The following HOMER3 variants were observed in gnomAD, a reference collection of about 807,000 sequenced individuals.
The protein encoded by HOMER3 is homer protein homolog 3.
HOMER3 carries 34 observed loss-of-function variants against 45.5 expected under a neutral mutation model. The observed-to-expected ratio is 0.75, with a 90% CI of 0.57 to 1.00. The LOEUF (loss-of-function observed/expected upper bound fraction) is 1.00. Ranked by LOEUF, HOMER3 falls within the 50% of genes least tolerant of loss-of-function variation. The pLI is 0.00. For synonymous variants in HOMER3, 223 were observed against 208.8 expected (o/e 1.07, Z -0.58); for missense variants, 480 against 497.5 (o/e 0.96, Z 0.33).
At chr19:18,932,881 C>T in intron 6 of HOMER3, 43 bp downstream of exon 6, 3 of 763,836 alleles carry the variant, frequency 3.9e-6, no homozygotes. Flanking sequence ...CGTCCCCCAC[C>T]CCTACCCCCG....
intron 9 of HOMER3, among the ~76,000 whole-genome samples, chr19:18,930,318 C>A (rs1022632439): frequency 4.2e-5 from 6 of 142,590 alleles, no homozygotes; most frequent in African/African-American, 1.6e-4. Context: ...GAGGCCGAGG[C>A]GAGTGGATCA....
chr19:18,935,137 T>C (rs1387357613), intron 4 of HOMER3, among the ~76,000 whole-genome samples: 1 of 124,500 alleles, frequency 8.0e-6, no homozygotes, highest in Non-Finnish European at 1.7e-5. Context: ...ACCCAGCCTT[T>C]TTTTTTTTTT....
At chr19:18,937,413 A>C (rs1405873169) in intron 4 of HOMER3, among the ~76,000 whole-genome samples, 2 of 152,088 alleles carry the variant, frequency 1.3e-5, no homozygotes, top group South Asian at 4.2e-4. Context: ...GTGGTAGCTC[A>C]TGCCTGTAAT....
chr19:18,930,059 G>A (rs749119604), intron 9 of HOMER3, among the ~76,000 whole-genome samples: 2 of 151,766 alleles, frequency 1.3e-5, no homozygotes, highest in Non-Finnish European at 2.9e-5. Context: ...AGACCAGCTT[G>A]GCCAACATGG....
In HOMER3 at chr19:18,936,325, T is replaced by TAAACAAAC. The variant is rs949934317; in HGVS notation, c.304-1916_304-1915insGTTTGTTT. Among the ~76,000 whole-genome samples, 4 of 134,554 alleles carry TAAACAAAC rather than the reference T, an allele frequency of 3.0e-5. 1 individual carries two copies. Among genetic ancestry groups the TAAACAAAC allele is most frequent in the African/African-American group, 1.1e-4 (4 of 37,828 alleles). The allele number at this position is 134,554 out of a possible 152,430, so 88.3% of individuals were successfully genotyped here. A position where few individuals can be genotyped will look rare whatever the true frequency, so the allele number is the denominator to read the frequency against. ...TGAAACTCTGTCTCAAAAAAATAAA[T>TAAACAAAC]AAATAAATAAATAAATAAATGATTT... On this transcript the variant is annotated intron_variant, in intron 4 of 9. Transcript: ENST00000392351.
At chr19:18,936,344 A>G (rs2057093181) in intron 4 of HOMER3, among the ~76,000 whole-genome samples, 1 of 148,438 alleles carries the variant, frequency 6.7e-6, no homozygotes, top group South Asian at 2.1e-4. Flanking sequence ...AAATAAATAA[A>G]TGATTTTTTA....
chr19:18,931,942 G>T, intron 7 of HOMER3, 34 bp downstream of exon 7: 1 of 1,496,948 alleles, frequency 6.7e-7, no homozygotes, highest in Non-Finnish European at 8.9e-7. Context: ...GCCCGGGCCA[G>T]GTGGGGGTCT....
intron 4 of HOMER3, among the ~76,000 whole-genome samples, chr19:18,934,780 G>A (rs2057073656): frequency 6.6e-6 from 1 of 152,034 alleles, no homozygotes; most frequent in Admixed American, 6.6e-5. Flanking sequence ...CAAGGAGCTG[G>A]GACTACAGGT....
chr19:18,930,585 A>T (rs1374657643), intron 9 of HOMER3, among the ~76,000 whole-genome samples: 2 of 151,356 alleles, frequency 1.3e-5, no homozygotes, highest in Non-Finnish European at 1.5e-5. Context: ...CTTTAGCAAA[A>T]GCCAAGCCAA....
chr19:18,930,198 C>G (rs1043074663), intron 9 of HOMER3, among the ~76,000 whole-genome samples: 3 of 142,710 alleles, frequency 2.1e-5, no homozygotes, highest in African/African-American at 7.9e-5. Context: ...TGCAGTGAGC[C>G]GAGATCGCGC....
At chr19:18,934,895 T>C (rs918053256) in intron 4 of HOMER3, among the ~76,000 whole-genome samples, 3 of 143,974 alleles carry the variant, frequency 2.1e-5, no homozygotes, top group Non-Finnish European at 3.0e-5. Flanking sequence ...TGAGATGGAG[T>C]CTTGCTCTGT....
chr19:18,929,874 C>T (rs1366523427), intron 9 of HOMER3, among the ~76,000 whole-genome samples: 3 of 152,002 alleles, frequency 2.0e-5, no homozygotes, highest in Non-Finnish European at 2.9e-5. Flanking sequence ...AGTGCAATGG[C>T]GTGATCTCGG....
intron 9 of HOMER3, among the ~76,000 whole-genome samples, chr19:18,930,673 G>A (rs1280015336): frequency 6.6e-6 from 1 of 151,816 alleles, no homozygotes; most frequent in Non-Finnish European, 1.5e-5. Flanking sequence ...TCAGGAGTTC[G>A]AGACCAGTCT....
chr19:18,932,578 C>T (rs879307608), intron 6 of HOMER3, among the ~76,000 whole-genome samples: 2 of 151,950 alleles, frequency 1.3e-5, no homozygotes, highest in African/African-American at 2.4e-5. Context: ...GTGGAGTCCG[C>T]CCAGTGACAC....
Position 18,938,410 on chromosome 19 carries a change from G to A in HOMER3, c.246C>T (p.Asp82=). Residue 82 remains aspartate (D), a synonymous_variant, in exon 4 of 10, where the codon GAC becomes GAT. Transcript: ENST00000392351. ...KTSQKFGQWA[D]SRANTVYGLG... ...GGCCGTAGACTGTGTTGGCGCGACT[G>A]TCGGCCCACTGCCCGAACTTCTGGG... The A allele has an allele frequency of 6.2e-7, 1 of 1,614,114 alleles. No homozygotes were observed. Among genetic ancestry groups the A allele is most frequent in the Admixed American group, 1.7e-5 (1 of 60,016 alleles).
At chr19:18,933,731 G>A (rs1444771343) in intron 5 of HOMER3, among the ~76,000 whole-genome samples, 1 of 151,806 alleles carries the variant, frequency 6.6e-6, no homozygotes, top group Non-Finnish European at 1.5e-5. Context: ...TTGAGACAGA[G>A]TCACACTCTG....
At chr19:18,931,190 G>T in intron 9 of HOMER3, 135 bp downstream of exon 9, 3 of 719,660 alleles carry the variant, frequency 4.2e-6, no homozygotes, top group Non-Finnish European at 7.1e-6. Flanking sequence ...CTGTTCACGC[G>T]GCACCTGCTG....
Position 18,931,232 on chromosome 19 carries a change from C to T in HOMER3, c.894+93G>A, listed in dbSNP as rs546512000. On this transcript the variant is annotated intron_variant, in intron 9 of 9. Transcript: ENST00000392351. ...AGGCCTTCCACAGGACTGGGCCTCC[C>T]AATACTTTATCATCTTAGGTAGATA... is the stretch of plus-strand genomic sequence containing the variant. 14 of 1,164,252 alleles carry T rather than the reference C, an allele frequency of 1.2e-5. No individual in the cohort carries two copies. In the African/African-American group the frequency reaches 1.4e-4, roughly 11 times the overall value. 72.1% of individuals were successfully genotyped at this position (1,164,252 alleles called of 1,614,324 possible).
At chr19:18,930,876 CG>C (rs1452697168) in intron 9 of HOMER3, among the ~76,000 whole-genome samples, 1 of 151,960 alleles carries the variant, frequency 6.6e-6, no homozygotes, top group Non-Finnish European at 1.5e-5. Context: ...GGTGTAGTGG[CG>C]GGCGCCTGTA....
Sources: gnomAD v4.1 joint callset for allele counts (sites outside exome capture counted in the v4.1 genomes callset) on GRCh38, gnomAD v4.1.1 for gene constraint, MANE v1.5 for transcripts, NCBI Gene and HGNC (gene_info 2026-07-23, HGNC 2026-07-21) for gene names.